EYS: variants seen among roughly 807,000 people sequenced by gnomAD.
EYS encodes the protein protein eyes shut homolog.
A neutral mutation model predicts 282.1 loss-of-function variants in EYS; 250 were observed. The observed-to-expected ratio is 0.89, with a 90% confidence interval of 0.80 to 0.98. The LOEUF (loss-of-function observed/expected upper bound fraction) is 0.98, where lower values mean the gene tolerates loss of function less well. Ranked by LOEUF, EYS falls within the 50% of genes least tolerant of loss-of-function variation. The probability of loss-of-function intolerance (pLI) is 0.00; values close to 1 mark genes in which losing one functional copy is unlikely to be tolerated. For missense variants in EYS, 4,016 were observed against 3,709.0 expected (o/e 1.08, Z -2.15); for synonymous variants, 1,355 against 1,282.9 (o/e 1.06, Z -1.20).
intron 9 of EYS, among the ~76,000 whole-genome samples, chr6:65,349,548 G>C (rs896665960): frequency 8.6e-5 from 13 of 151,340 alleles, no homozygotes; most frequent in Non-Finnish European, 1.5e-4. Flanking sequence ...TCATACATAA[G>C]GTTATGATTA....
intron 26 of EYS, among the ~76,000 whole-genome samples, chr6:64,580,190 C>A (rs1437529052): frequency 6.6e-6 from 1 of 152,062 alleles, no homozygotes; most frequent in Admixed American, 6.6e-5. Context: ...TTTCTGGGAT[C>A]TCCATTCTTA....
intron 21 of EYS, among the ~76,000 whole-genome samples, chr6:64,821,177 C>A (rs189934190): frequency 1.3e-5 from 2 of 151,908 alleles, no homozygotes; most frequent in African/African-American, 4.8e-5. Context: ...AAAGACATAT[C>A]CTGAGAATAT....
intron 41 of EYS, among the ~76,000 whole-genome samples, chr6:63,760,970 C>T (rs1329555561): frequency 1.3e-5 from 2 of 151,738 alleles, no homozygotes; most frequent in East Asian, 1.9e-4. Context: ...AGTACTCTGC[C>T]TTTCACTAAG....
chr6:63,893,596 G>A lies in EYS; in HGVS notation c.7056-29238C>T, dbSNP rs556545983. Among the ~76,000 whole-genome samples, 5 of 152,222 alleles carry A rather than the reference G, an allele frequency of 3.3e-5. No homozygotes were observed. The South Asian group carries it at 1.0e-3, about 32-fold the overall frequency. ...TGTTGGTGGTTGGGGGGCAAGGGGA[G>A]GGATAGCATTAAGGAAAATACCTAA... On this transcript the variant is annotated intron_variant, in intron 35 of 42. Transcript: ENST00000503581.
chr6:65,148,179 G>T (rs1020755474), intron 12 of EYS, among the ~76,000 whole-genome samples: 1 of 152,084 alleles, frequency 6.6e-6, no homozygotes, highest in Non-Finnish European at 1.5e-5. Context: ...ACTGATTCCA[G>T]CATGAACTCT....
intron 12 of EYS, among the ~76,000 whole-genome samples, chr6:65,065,912 T>C (rs375757759): frequency 1.3e-5 from 2 of 152,210 alleles, no homozygotes; most frequent in African/African-American, 4.8e-5. Flanking sequence ...ATCCAATAAA[T>C]GTAAATTTCA....
chr6:64,759,908 G>T (rs546568720), intron 22 of EYS, among the ~76,000 whole-genome samples: 1 of 152,134 alleles, frequency 6.6e-6, no homozygotes, highest in South Asian at 2.1e-4. Flanking sequence ...CTATAAAAAT[G>T]GTCAAAAATG....
intron 35 of EYS, among the ~76,000 whole-genome samples, chr6:63,908,978 T>A (rs112771455): frequency 1.3e-5 from 2 of 151,666 alleles, no homozygotes; most frequent in Admixed American, 6.6e-5. Context: ...ATTTTTTTTT[T>A]AAGGGGAAGC....
chr6:63,749,126 G>A (rs920700959), intron 41 of EYS, among the ~76,000 whole-genome samples: 11 of 152,102 alleles, frequency 7.2e-5, no homozygotes, highest in African/African-American at 2.2e-4. Flanking sequence ...GTTCAGTGCT[G>A]TAAATTATCC....
intron 31 of EYS, among the ~76,000 whole-genome samples, chr6:64,159,851 G>T (rs949006504): frequency 5.9e-5 from 9 of 152,134 alleles, no homozygotes; most frequent in Admixed American, 5.9e-4. Context: ...CCTGGTTAAA[G>T]GTTTGAAGTT....
At chr6:63,883,025 G>A (rs984708290) in intron 35 of EYS, among the ~76,000 whole-genome samples, 2 of 152,104 alleles carry the variant, frequency 1.3e-5, no homozygotes, top group African/African-American at 2.4e-5. Context: ...AGCAGCTGAA[G>A]GCAATACTCT....
At chr6:64,380,413 G>A (rs536551569) in intron 29 of EYS, among the ~76,000 whole-genome samples, 2 of 152,006 alleles carry the variant, frequency 1.3e-5, no homozygotes, top group Non-Finnish European at 2.9e-5. Flanking sequence ...AGTGATGTAC[G>A]GACATTTTTC....
chr6:65,568,610 C>T (rs960206148), intron 2 of EYS, among the ~76,000 whole-genome samples: 12 of 152,102 alleles, frequency 7.9e-5, no homozygotes, highest in Non-Finnish European at 1.5e-5. Context: ...AAGAGTTGAG[C>T]ATGACTTTTC....
intron 28 of EYS, among the ~76,000 whole-genome samples, chr6:64,435,885 T>G (rs1045248830): frequency 5.3e-5 from 8 of 151,948 alleles, no homozygotes; most frequent in Non-Finnish European, 1.2e-4. Context: ...CAAAAGAAAT[T>G]ACCAGTTTAG....
At chr6:65,509,898 C>T (rs1048721723) in intron 2 of EYS, among the ~76,000 whole-genome samples, 1 of 152,146 alleles carries the variant, frequency 6.6e-6, no homozygotes, top group African/African-American at 2.4e-5. Context: ...CTGAAACCTC[C>T]TATCAGCATC....
At chr6:64,653,217 A>G (rs918754480) in intron 22 of EYS, among the ~76,000 whole-genome samples, 1 of 152,160 alleles carries the variant, frequency 6.6e-6, no homozygotes, top group African/African-American at 2.4e-5. Flanking sequence ...AAAAGCTACT[A>G]GAGAGGAAAG....
chr6:64,751,770 G>C (rs751070703), intron 22 of EYS, among the ~76,000 whole-genome samples: 2 of 152,146 alleles, frequency 1.3e-5, no homozygotes, highest in African/African-American at 2.4e-5. Context: ...ACATAAACTT[G>C]CCAAGACCTC....
chr6:64,019,442 G>A (rs1255185337), intron 33 of EYS, among the ~76,000 whole-genome samples: 5 of 149,880 alleles, frequency 3.3e-5, no homozygotes, highest in South Asian at 4.2e-4. Flanking sequence ...ACGGAGTCTC[G>A]CTCTGTCTCC....
intron 14 of EYS, among the ~76,000 whole-genome samples, chr6:64,949,559 C>G (rs1313937717): frequency 6.6e-6 from 1 of 151,760 alleles, no homozygotes; most frequent in African/African-American, 2.4e-5. Context: ...ATTAGGGCAG[C>G]CCATGTAGGA....
Sources: allele counts gnomAD v4.1 joint callset (sites outside exome capture counted in the v4.1 genomes callset), GRCh38; gene constraint gnomAD v4.1.1; transcripts MANE v1.5; gene names NCBI Gene and HGNC (gene_info 2026-07-23, HGNC 2026-07-21).